The following TCF4 variants were observed in gnomAD, a reference collection of about 807,000 sequenced individuals.
TCF4 encodes the protein transcription factor 4, also known as SL3-3 enhancer factor 2.
In TCF4, 3 loss-of-function variants were observed where a neutral mutation model predicts 82.1. The observed-to-expected ratio is 0.04, with a 90% CI of 0.02 to 0.09. TCF4 has a LOEUF of 0.09. Among genes scored for constraint, TCF4 ranks in the 10% least tolerant of loss-of-function variants. The pLI is 1.00. For synonymous variants in TCF4, 276 were observed against 309.6 expected (o/e 0.89, Z 1.14); for missense variants, 518 against 852.7 (o/e 0.61, Z 4.89).
intron 5 of TCF4, among the ~76,000 whole-genome samples, chr18:55,438,312 G>A (rs181279789): frequency 1.4e-5 from 2 of 140,800 alleles, no homozygotes; most frequent in African/African-American, 5.4e-5. Context: ...AGCCATTGAG[G>A]TGGGGTTGGT....
Position 55,245,145 on chromosome 18 carries a change from T to A in TCF4, c.1350+9352A>T, listed in dbSNP as rs2052636982. ...TTACAGAAAATGTAATGCTACAGCT[T>A]TTTTTCAGTTCTCACTCCTAAAGCT... is the stretch of plus-strand genomic sequence containing the variant. On this transcript the variant is annotated intron_variant, in intron 15 of 19. Transcript: ENST00000354452. Among the ~76,000 whole-genome samples the A allele has an allele frequency of 2.0e-5, 3 of 152,210 alleles. No individual in the cohort carries two copies. The South Asian group carries it at 6.2e-4, about 32-fold the overall frequency.
At chr18:55,621,264 T>G in intron 2 of TCF4, among the ~76,000 whole-genome samples, 1 of 150,652 alleles carries the variant, frequency 6.6e-6, no homozygotes, top group African/African-American at 2.4e-5. Flanking sequence ...AAATAGTATC[T>G]GCAGTGCTAT....
intron 3 of TCF4, among the ~76,000 whole-genome samples, chr18:55,499,021 T>C (rs1200514283): frequency 6.6e-6 from 1 of 152,218 alleles, no homozygotes; most frequent in Non-Finnish European, 1.5e-5. Flanking sequence ...TTTTGTTTTT[T>C]AGATCTTCAA....
intron 3 of TCF4, among the ~76,000 whole-genome samples, chr18:55,502,394 T>C (rs982870946): frequency 2.0e-5 from 3 of 152,216 alleles, no homozygotes; most frequent in Non-Finnish European, 4.4e-5. Flanking sequence ...CTCATCTAGA[T>C]TGTTCCTCAC....
chr18:55,536,073 A>C (rs2097112022), intron 3 of TCF4, among the ~76,000 whole-genome samples: 2 of 152,196 alleles, frequency 1.3e-5, no homozygotes, highest in African/African-American at 2.4e-5. Context: ...ATATAAAATA[A>C]CTAAAGTTGC....
chr18:55,295,642 A>T (rs982539636), intron 8 of TCF4, among the ~76,000 whole-genome samples: 8 of 152,158 alleles, frequency 5.3e-5, no homozygotes, highest in Admixed American at 3.9e-4. Flanking sequence ...CACATTCATG[A>T]TAAAATCTCA....
chr18:55,413,349 T>G (rs778763438), intron 5 of TCF4, among the ~76,000 whole-genome samples: 1 of 151,818 alleles, frequency 6.6e-6, no homozygotes, highest in Non-Finnish European at 1.5e-5. Context: ...TGGAGGGGAG[T>G]GGGAGGAACA....
chr18:55,384,570 C>T (rs866307683), intron 6 of TCF4, among the ~76,000 whole-genome samples: 1 of 152,208 alleles, frequency 6.6e-6, no homozygotes, highest in African/African-American at 2.4e-5. Context: ...TACATTGATA[C>T]ACTAACCTAT....
rs2046580035 is a variant in TCF4, at chr18:55,226,245, G to A, written c.*1790C>T. On this transcript the variant is annotated 3_prime_UTR_variant, in exon 20 of 20. Transcript: ENST00000354452. ...GGATTTATGGCATTTACTCAGTGCTGATAGGTGGAAAAACTACTTGAACAG... is the reference window on the plus strand; with the variant it reads ...GGATTTATGGCATTTACTCAGTGCTAATAGGTGGAAAAACTACTTGAACAG... 6.6e-6 allele frequency: 1 copy of A among 151,528 alleles called. No homozygotes were observed. Among genetic ancestry groups the A allele is most frequent in the Non-Finnish European group, 1.5e-5 (1 of 67,760 alleles). 9.4% of individuals were successfully genotyped at this position (151,528 alleles called of 1,614,324 possible).
At chr18:55,554,362 T>C (rs892305940) in intron 3 of TCF4, among the ~76,000 whole-genome samples, 9 of 152,100 alleles carry the variant, frequency 5.9e-5, no homozygotes, top group African/African-American at 2.2e-4. Flanking sequence ...TAGTTTATTA[T>C]AGTTTATTAA....
chr18:55,505,736 G>A (rs999489062), intron 3 of TCF4, among the ~76,000 whole-genome samples: 10 of 149,312 alleles, frequency 6.7e-5, no homozygotes, highest in Admixed American at 6.0e-4. Context: ...CCCGGGAGGC[G>A]GAGCTTGCAG....
At chr18:55,516,287 A>G (rs1447551737) in intron 3 of TCF4, among the ~76,000 whole-genome samples, 1 of 152,180 alleles carries the variant, frequency 6.6e-6, no homozygotes, top group African/African-American at 2.4e-5. Context: ...TTTCTATGAC[A>G]TATCTGAAAG....
chr18:55,259,845 G>A (rs1445175737), intron 13 of TCF4, 104 bp downstream of exon 13: 5 of 965,870 alleles, frequency 5.2e-6, no homozygotes, highest in Non-Finnish European at 8.4e-6. Flanking sequence ...TAAAGCTTTG[G>A]GATTTGGGGG....
intron 3 of TCF4, among the ~76,000 whole-genome samples, chr18:55,568,416 C>A (rs933379707): frequency 2.0e-5 from 3 of 151,312 alleles, no homozygotes; most frequent in South Asian, 2.1e-4. Flanking sequence ...TAAGAGAATA[C>A]CTTTGTATAA....
At chr18:55,394,065 G>A (rs950222376) in intron 6 of TCF4, among the ~76,000 whole-genome samples, 2 of 152,112 alleles carry the variant, frequency 1.3e-5, no homozygotes, top group Admixed American at 6.5e-5. Flanking sequence ...GATGGGGAGG[G>A]CATTGTTCCA....
intron 5 of TCF4, among the ~76,000 whole-genome samples, chr18:55,434,973 T>C (rs898226413): frequency 2.6e-5 from 4 of 152,174 alleles, no homozygotes; most frequent in African/African-American, 9.7e-5. Flanking sequence ...TTAAATGTAC[T>C]ATTAAATTAT....
intron 2 of TCF4, chr18:55,586,196 A>AGCG (rs2097649044): frequency 1.3e-6 from 1 of 745,144 alleles, no homozygotes; most frequent in Admixed American, 5.1e-5. Flanking sequence ...CAGCAGCAGC[A>AGCG]GCAGCAGCAG....
chr18:55,429,941 T>C (rs2095134364), intron 5 of TCF4, among the ~76,000 whole-genome samples: 1 of 152,070 alleles, frequency 6.6e-6, no homozygotes, highest in African/African-American at 2.4e-5. Flanking sequence ...CACGTAATGG[T>C]TGCCTGTCTC....
At chr18:55,302,707 A>C in intron 8 of TCF4, 1 of 1,230,106 alleles carries the variant, frequency 8.1e-7, no homozygotes, top group Non-Finnish European at 1.1e-6. Context: ...GGAGGGCATG[A>C]AGAAGGGGAG....
Sources: allele counts gnomAD v4.1 joint callset (sites outside exome capture counted in the v4.1 genomes callset), GRCh38; gene constraint gnomAD v4.1.1; transcripts MANE v1.5; gene names NCBI Gene and HGNC (gene_info 2026-07-23, HGNC 2026-07-21).